Variants in ADARB2 observed in about 807,000 individuals in gnomAD.
ADARB2 encodes the protein inactive double-stranded RNA-specific editase B2.
Under a neutral mutation model 62.2 loss-of-function variants are expected in ADARB2, and 25 were observed. The observed-to-expected ratio is 0.40, with a 90% CI of 0.29 to 0.56. The LOEUF is 0.56. Ranked by LOEUF, ADARB2 falls within the 20% of genes least tolerant of loss-of-function variation. The probability of loss-of-function intolerance (pLI) is 0.43; values close to 1 mark genes in which losing one functional copy is unlikely to be tolerated. For synonymous variants in ADARB2, 572 were observed against 500.8 expected, an observed-to-expected ratio of 1.14 and a Z score of -1.90; for missense variants, 1,071 against 1,077.4, an observed-to-expected ratio of 0.99 and a Z score of 0.08.
intron 1 of ADARB2, among the ~76,000 whole-genome samples, chr10:1,562,808 G>A (rs1205764226): frequency 6.6e-6 from 1 of 152,230 alleles, no homozygotes; most frequent in East Asian, 1.9e-4. Flanking sequence ...CCCTTGCAGG[G>A]GTGTGGGGAG....
At chr10:1,380,900 A>G (rs1014793394) in intron 1 of ADARB2, among the ~76,000 whole-genome samples, 19 of 152,348 alleles carry the variant, frequency 1.2e-4, no homozygotes, top group African/African-American at 4.3e-4. Context: ...GAGGATCTCA[A>G]GATGAAATTA....
At chr10:1,297,951 G>C (rs1353897610) in intron 3 of ADARB2, among the ~76,000 whole-genome samples, 2 of 152,198 alleles carry the variant, frequency 1.3e-5, no homozygotes, top group Non-Finnish European at 2.9e-5. Flanking sequence ...GGTCAGCTCT[G>C]GTTCCAGAGC....
chr10:1,671,589 C>G (rs1834385694), intron 1 of ADARB2, among the ~76,000 whole-genome samples: 1 of 152,096 alleles, frequency 6.6e-6, no homozygotes, highest in Non-Finnish European at 1.5e-5. Flanking sequence ...GCATCTCCCT[C>G]GTGCTTCTCT....
At position 1,178,209 on chromosome 10, in the gene ADARB2, G is replaced by T; in HGVS notation, c.*4984C>A. ...GGGGCCACGGCAGCAGAACAAAGGAGCCAGGAGTTTTGGGACAGGGACTAA... is the reference window on the plus strand; with the variant it reads ...GGGGCCACGGCAGCAGAACAAAGGATCCAGGAGTTTTGGGACAGGGACTAA... On this transcript the variant is annotated 3_prime_UTR_variant, in exon 10 of 10. Transcript: ENST00000381312. 1 of 152,730 alleles carries T rather than the reference G, an allele frequency of 6.5e-6. No homozygotes were observed. The allele number at this position is 152,730 out of a possible 1,614,324, so 9.5% of individuals were successfully genotyped here. A position where few individuals can be genotyped will look rare whatever the true frequency, so the allele number is the denominator to read the frequency against.
At position 1,590,789 on chromosome 10, in the gene ADARB2, T is replaced by G. The variant is rs558563145; in HGVS notation, c.100+146262A>C. ...TGGTGTGAGGTGGACGGTGGACGGT[T>G]TCAGGGATGGGAGGAGTGCCTTCTG... On this transcript the variant is annotated intron_variant, in intron 1 of 9. Transcript: ENST00000381312. Among the ~76,000 whole-genome samples the G allele has an allele frequency of 2.0e-5, 3 of 151,972 alleles. No individual in the cohort carries two copies. In the East Asian group the frequency reaches 5.8e-4, roughly 29 times the overall value.
rs867357599 is a variant in ADARB2 at position 1,477,240 on chromosome 10, T to A, written c.101-98080A>T. ...ACTGATCAGAAGTGTGGAGTCCTGA[T>A]AAGATTAGTAAGTAACGTTGAGGAA... On this transcript the variant is annotated intron_variant, in intron 1 of 9. Coordinates refer to ENST00000381312, the MANE Select transcript of ADARB2 (RefSeq NM_018702.4). This position sits in a 1 kb window ranked among gnomAD's most constrained non-coding sequence, Gnocchi z 4.5. Among the ~76,000 whole-genome samples, 92 of 152,286 alleles carry A rather than the reference T, an allele frequency of 6.0e-4. 1 individual carries two copies. Among genetic ancestry groups the A allele is most frequent in the African/African-American group, 1.9e-3 (77 of 41,574 alleles).
At chr10:1,500,040 C>A (rs897247335) in intron 1 of ADARB2, among the ~76,000 whole-genome samples, 1 of 152,202 alleles carries the variant, frequency 6.6e-6, no homozygotes, top group Non-Finnish European at 1.5e-5. Flanking sequence ...AACTGCACAA[C>A]GTATTTTATT....
At chr10:1,508,266 T>A (rs888384757) in intron 1 of ADARB2, among the ~76,000 whole-genome samples, 1 of 152,186 alleles carries the variant, frequency 6.6e-6, no homozygotes, top group African/African-American at 2.4e-5. Flanking sequence ...AGAACCTCAA[T>A]GGACGTCAGT....
In ADARB2 at chr10:1,665,404, C is replaced by T. The variant is rs1834303687; in HGVS notation, c.100+71647G>A. On this transcript the variant is annotated intron_variant, in intron 1 of 9. Transcript: ENST00000381312. ...CCCCGACGTGGGGAACTCGCATCCA[C>T]CCAGGGAACGGCACACATCTGCCTC... Among the ~76,000 whole-genome samples, 3 of 152,368 alleles carry T rather than the reference C, an allele frequency of 2.0e-5. No individual in the cohort carries two copies. The South Asian group carries it at 6.2e-4, about 32-fold the overall frequency.
chr10:1,219,286 C>T (rs1466567715), intron 6 of ADARB2, among the ~76,000 whole-genome samples: 2 of 152,222 alleles, frequency 1.3e-5, no homozygotes, highest in Admixed American at 6.5e-5. Flanking sequence ...TGGACTAATA[C>T]AGTGCTGAAT....
intron 1 of ADARB2, among the ~76,000 whole-genome samples, chr10:1,510,269 C>A (rs1247008075): frequency 6.6e-6 from 1 of 152,026 alleles, no homozygotes; most frequent in African/African-American, 2.4e-5. Context: ...CAGCCTTGAG[C>A]TCCTGGGCTT....
intron 1 of ADARB2, among the ~76,000 whole-genome samples, chr10:1,503,780 A>T (rs894670682): frequency 6.6e-6 from 1 of 151,998 alleles, no homozygotes; most frequent in African/African-American, 2.4e-5. Context: ...GGTCTCTAAC[A>T]GTGTAGCCCT....
intron 1 of ADARB2, among the ~76,000 whole-genome samples, chr10:1,633,556 C>CTATCTATCTATCTA (rs1833871988): frequency 1.9e-5 from 2 of 107,896 alleles, no homozygotes; most frequent in African/African-American, 6.9e-5. Context: ...TATCATCTAT[C>CTATCTATCTATCTA]TATCTATCTA....
intron 7 of ADARB2, among the ~76,000 whole-genome samples, chr10:1,208,325 A>G (rs151251913): frequency 1.8e-3 from 271 of 152,300 alleles, no homozygotes; most frequent in Middle Eastern, 3.4e-3. Flanking sequence ...CCAGAGTCTG[A>G]AAAGGTGTCT....
rs577631140 is a variant in ADARB2 at position 1,232,617 on chromosome 10, T to C, written c.1513+1077A>G. On this transcript the variant is annotated intron_variant, in intron 6 of 9. Coordinates refer to ENST00000381312, the MANE Select transcript of ADARB2 (RefSeq NM_018702.4). ...GTATATGTGGTATGTGTTTGTGGTA[T>C]ATGATGTGTGTGGTGTATGTGGTCT... is the stretch of plus-strand genomic sequence containing the variant. 1.9e-3 allele frequency among the ~76,000 whole-genome samples: 279 copies of C among 150,616 alleles called. 2 individuals carry two copies. The highest frequency in any genetic ancestry group is 6.3e-3 in the African/African-American group (253 of 40,366).
chr10:1,473,017 G>A (rs1282600526), intron 1 of ADARB2, among the ~76,000 whole-genome samples: 1 of 152,194 alleles, frequency 6.6e-6, no homozygotes, highest in Non-Finnish European at 1.5e-5. Flanking sequence ...TGGGCTAGTG[G>A]GCTCAGGCGT....
At chr10:1,217,501 T>G (rs1252530195) in intron 6 of ADARB2, among the ~76,000 whole-genome samples, 1 of 152,206 alleles carries the variant, frequency 6.6e-6, no homozygotes, top group Admixed American at 6.5e-5. Flanking sequence ...CAGTTGGACG[T>G]GTCGTTTTCA....
At chr10:1,624,389 C>T (rs764338738) in intron 1 of ADARB2, among the ~76,000 whole-genome samples, 13 of 152,206 alleles carry the variant, frequency 8.5e-5, no homozygotes, top group Non-Finnish European at 5.9e-5. Context: ...GCGAGCATGC[C>T]GTCCTGCCTG....
At position 1,433,890 on chromosome 10, in the gene ADARB2, A is replaced by T. The variant is rs181629884; in HGVS notation, c.101-54730T>A. On this transcript the variant is annotated intron_variant, in intron 1 of 9. Transcript: ENST00000381312. The stretch of plus-strand genomic sequence containing the variant: ...AAAATGAATCAAAGTTTCCGCTAAG[A>T]TACACCTCGGTGGACCCTATATGGT... Among the ~76,000 whole-genome samples, 397 of 152,312 alleles carry T rather than the reference A, an allele frequency of 2.6e-3. 2 individuals carry two copies. Among genetic ancestry groups the T allele is most frequent in the Middle Eastern group, 0.024 (7 of 294 alleles).
Sources: allele counts gnomAD v4.1 joint callset (sites outside exome capture counted in the v4.1 genomes callset), GRCh38; gene constraint gnomAD v4.1.1; non-coding constraint Gnocchi (gnomAD v3.1); transcripts MANE v1.5; gene names NCBI Gene and HGNC (gene_info 2026-07-23, HGNC 2026-07-21).